ASIC2: variants seen among roughly 807,000 people sequenced by gnomAD.
ASIC2 encodes the protein acid-sensing ion channel 2.
ASIC2 carries 25 observed loss-of-function variants against 57.3 expected under a neutral mutation model. That is an observed-to-expected ratio of 0.44 (90% CI 0.32 to 0.61). The LOEUF is 0.61. Among genes scored for constraint, ASIC2 ranks in the 20% least tolerant of loss-of-function variants. The pLI, the probability that ASIC2 is intolerant of heterozygous loss-of-function variation, is 0.06. For synonymous variants in ASIC2, 319 were observed against 307.5 expected (o/e 1.04, Z -0.39); for missense variants, 641 against 738.1 (o/e 0.87, Z 1.52).
intron 1 of ASIC2, among the ~76,000 whole-genome samples, chr17:33,312,449 G>A (rs946948313): frequency 3.3e-5 from 5 of 152,154 alleles, no homozygotes; most frequent in African/African-American, 4.8e-5. Context: ...AGAAAGCATC[G>A]TGGAACCCAC....
At chr17:33,439,671 G>A in intron 1 of ASIC2, among the ~76,000 whole-genome samples, 1 of 152,174 alleles carries the variant, frequency 6.6e-6, no homozygotes, top group East Asian at 1.9e-4. Flanking sequence ...TCAGACAGAG[G>A]AGAGAGAAGA....
rs1415184116 is a variant in ASIC2, at chr17:33,292,000, C to G, written c.116G>C (p.Gly39Ala). 8.1e-7 allele frequency: 1 copy of G among 1,240,786 alleles called. No individual in the cohort carries two copies. Among genetic ancestry groups the G allele is most frequent in the Non-Finnish European group, 1.0e-6 (1 of 998,752 alleles). The allele number at this position is 1,240,786 out of a possible 1,614,324, so 76.9% of individuals were successfully genotyped here. A position where few individuals can be genotyped will look rare whatever the true frequency, so the allele number is the denominator to read the frequency against. ...PAALAAAGQP[G>A]GGRGGERALQ... ...CGCCCGCTCGCCGCCTCTGCCGCCCCCGGGCTGCCCGGCAGCCGCCAACGC... is the reference window on the plus strand; with the variant it reads ...CGCCCGCTCGCCGCCTCTGCCGCCCGCGGGCTGCCCGGCAGCCGCCAACGC... The change falls in exon 1 of 10, where the codon GGG (glycine) becomes GCG (alanine). Residue 39 changes from glycine to alanine, a missense_variant. Gly to Ala is a moderately conservative substitution (Grantham distance 60, BLOSUM62 0). Around this residue, in one of 3 missense-constraint regions of ASIC2, gnomAD observed 382 missense variants for 398.0 expected, o/e 0.96. Coordinates refer to ENST00000225823, the MANE Select transcript of ASIC2 (RefSeq NM_183377.2).
chr17:33,574,953 A>G (rs978248288), intron 1 of ASIC2, among the ~76,000 whole-genome samples: 2 of 152,124 alleles, frequency 1.3e-5, no homozygotes, highest in Non-Finnish European at 2.9e-5. Flanking sequence ...CACTCAACCA[A>G]TAAGAGTAGA....
intron 1 of ASIC2, among the ~76,000 whole-genome samples, chr17:33,386,862 T>C (rs1042453573): frequency 1.3e-5 from 2 of 152,214 alleles, no homozygotes; most frequent in African/African-American, 4.8e-5. Flanking sequence ...CTCAGAACCT[T>C]GGCCTTTGCA....
upstream of ASIC2, among the ~76,000 whole-genome samples, chr17:33,295,855 C>T (rs1313607906): frequency 6.6e-6 from 1 of 152,076 alleles, no homozygotes; most frequent in Admixed American, 6.5e-5. Flanking sequence ...TTTTTATACA[C>T]TATTTGTTTT....
intron 1 of ASIC2, among the ~76,000 whole-genome samples, chr17:33,904,498 G>A (rs539534187): frequency 2.6e-4 from 40 of 152,162 alleles, no homozygotes; most frequent in Non-Finnish European, 1.0e-4. Context: ...ATGTTCTGAG[G>A]CAGAGCTATA....
chr17:33,841,307 G>A (rs774360518), intron 1 of ASIC2, among the ~76,000 whole-genome samples: 4 of 152,244 alleles, frequency 2.6e-5, no homozygotes, highest in Non-Finnish European at 5.9e-5. Context: ...TTGTTTTGGG[G>A]AAGTGCTATG....
chr17:33,933,837 G>A (rs2141973540), intron 1 of ASIC2, among the ~76,000 whole-genome samples: 1 of 152,306 alleles, frequency 6.6e-6, no homozygotes, highest in East Asian at 1.9e-4. Context: ...CAATAATCAA[G>A]GTCCTTCCAG....
chr17:33,920,094 CT>C (rs1286723234), intron 1 of ASIC2, among the ~76,000 whole-genome samples: 1 of 152,176 alleles, frequency 6.6e-6, no homozygotes, highest in Non-Finnish European at 1.5e-5. Flanking sequence ...CGTTCAGCCA[CT>C]GTGGCAAGCA....
chr17:34,148,506 C>T (rs533665823), intron 1 of ASIC2, among the ~76,000 whole-genome samples: 8 of 152,312 alleles, frequency 5.3e-5, no homozygotes, highest in Middle Eastern at 3.4e-3. Flanking sequence ...GAAAAATCAT[C>T]TATTTTGCAT....
At chr17:33,023,722 G>A (rs1198402061) in intron 6 of ASIC2, 139 bp downstream of exon 6, 21 of 1,149,948 alleles carry the variant, frequency 1.8e-5, no homozygotes, top group Non-Finnish European at 2.5e-5. Context: ...GGAGCGCAGA[G>A]CGTGACACAC....
At chr17:33,935,859 T>G (rs930057345) in intron 1 of ASIC2, 4 of 152,242 alleles carry the variant, frequency 2.6e-5, no homozygotes, top group Non-Finnish European at 5.9e-5. Context: ...CAGAACACCT[T>G]ATCTGCTGCA....
intron 1 of ASIC2, among the ~76,000 whole-genome samples, chr17:34,151,116 A>ACT (rs1390254379): frequency 6.8e-6 from 1 of 147,516 alleles, no homozygotes; most frequent in African/African-American, 2.5e-5. Context: ...AAAAAAAAAA[A>ACT]AAAAAAAAAT....
At chr17:33,832,504 T>A (rs547548074) in intron 1 of ASIC2, among the ~76,000 whole-genome samples, 1 of 152,316 alleles carries the variant, frequency 6.6e-6, no homozygotes, top group East Asian at 1.9e-4. Context: ...AGAGATACAC[T>A]GGCAGTGAGA....
At chr17:33,473,902 A>C (rs1441574706) in intron 1 of ASIC2, among the ~76,000 whole-genome samples, 1 of 151,678 alleles carries the variant, frequency 6.6e-6, no homozygotes, top group Non-Finnish European at 1.5e-5. Flanking sequence ...CCATTCATTC[A>C]TTAATACCAT....
chr17:33,935,969 A>G (rs546161174), intron 1 of ASIC2: 2 of 152,298 alleles, frequency 1.3e-5, no homozygotes, highest in South Asian at 4.1e-4. Flanking sequence ...GGCTCTGCCA[A>G]TCTCAGGCTG....
chr17:33,946,493 C>G (rs539347210), intron 1 of ASIC2, among the ~76,000 whole-genome samples: 1 of 152,320 alleles, frequency 6.6e-6, no homozygotes, highest in South Asian at 2.1e-4. Context: ...GTCATTGGTT[C>G]ATTTGTGCAT....
intron 3 of ASIC2, among the ~76,000 whole-genome samples, chr17:33,041,169 C>T (rs2091928550): frequency 6.6e-6 from 1 of 152,130 alleles, no homozygotes; most frequent in African/African-American, 2.4e-5. Context: ...GCTGTGTGGT[C>T]TTGGTCAAGT....
intron 1 of ASIC2, among the ~76,000 whole-genome samples, chr17:33,285,992 A>G (rs1905154373): frequency 6.6e-6 from 1 of 152,238 alleles, no homozygotes; most frequent in Admixed American, 6.5e-5. Flanking sequence ...GAATGGGTCT[A>G]AGCACCTCAC....
Sources: gnomAD v4.1 joint callset for allele counts (sites outside exome capture counted in the v4.1 genomes callset) on GRCh38, gnomAD v4.1.1 for gene constraint, gnomAD v4.1.1 regional missense constraint, MANE v1.5 for transcripts, NCBI Gene and HGNC (gene_info 2026-07-23, HGNC 2026-07-21) for gene names.